Variants in MPP2 observed in about 807,000 individuals in gnomAD.
The protein encoded by MPP2 is MAGUK p55 scaffold protein 2, also known as MAGUK p55 subfamily member 2.
MPP2 carries 42 observed loss-of-function variants against 58.5 expected under a neutral mutation model. The ratio of observed to expected loss-of-function variants is 0.72; its 90% CI spans 0.56 to 0.93. MPP2 has a LOEUF of 0.93. MPP2 is among the 40% of genes least tolerant of loss of function. MPP2 has a pLI of 0.00. For missense variants in MPP2, 632 were observed against 760.4 expected, an observed-to-expected ratio of 0.83 and a Z score of 1.99; for synonymous variants, 300 against 307.8, an observed-to-expected ratio of 0.97 and a Z score of 0.26.
At chr17:43,878,030 A>G in intron 12 of MPP2, 47 bp from the exon 13 acceptor site, 4 of 1,554,256 alleles carry the variant, frequency 2.6e-6, no homozygotes, top group Non-Finnish European at 2.6e-6. Context: ...CCCACAACTC[A>G]CCCCCACTGT....
In MPP2 at chr17:43,882,514, G is replaced by A; in HGVS notation, c.454-3C>T. On this transcript the variant is annotated splice_polypyrimidine_tract_variant and splice_region_variant and intron_variant, in intron 5 of 12. Coordinates refer to ENST00000269095, the MANE Select transcript of MPP2 (RefSeq NM_005374.5). ...CCCTCCACGCGGAACGTTACACCCT[G>A]GAGGTCAGAGGGAGTGTAAGATGAG... is the stretch of plus-strand genomic sequence containing the variant. 1 of 1,602,086 alleles carries A rather than the reference G, an allele frequency of 6.2e-7. No homozygotes were observed. Among genetic ancestry groups the A allele is most frequent in the Non-Finnish European group, 8.5e-7 (1 of 1,179,620 alleles).
intron 3 of MPP2, 166 bp downstream of exon 3, chr17:43,898,096 G>T: frequency 1.6e-6 from 1 of 627,632 alleles, no homozygotes. Context: ...TCTACCTGCA[G>T]CCACTCAGGT....
intron 3 of MPP2, among the ~76,000 whole-genome samples, chr17:43,894,272 C>T (rs2047727585): frequency 6.6e-6 from 1 of 151,666 alleles, no homozygotes; most frequent in Non-Finnish European, 1.5e-5. Context: ...CAAAAATTAG[C>T]TGGGCATGGT....
At chr17:43,901,290 C>A in intron 2 of MPP2, 3 of 985,520 alleles carry the variant, frequency 3.0e-6, no homozygotes, top group Non-Finnish European at 3.6e-6. Context: ...TTACCCCTCG[C>A]CTCACAGCAG....
Position 43,881,510 on chromosome 17 carries a change from T to C in MPP2, c.761A>G (p.Asn254Ser), listed in dbSNP as rs2047118534. The C allele has an allele frequency of 9.3e-6, 15 of 1,614,152 alleles. No homozygotes were observed. Among genetic ancestry groups the C allele is most frequent in the Non-Finnish European group, 1.2e-5 (14 of 1,180,006 alleles). The change falls in exon 7 of 13, where the codon AAC (asparagine) becomes AGC (serine). Residue 254 changes from asparagine to serine, a missense_variant. Transcript: ENST00000269095. The part of the protein sequence containing the change: ...IPCKEAGLRF[N>S]AGDLLQIVNQ... ...TACGATCTGGAGCAAGTCCCCGGCGTTGAAGCGCAGGCCTGCTTCCTTGCA... is the reference window on the plus strand; with the variant it reads ...TACGATCTGGAGCAAGTCCCCGGCGCTGAAGCGCAGGCCTGCTTCCTTGCA...
rs1201894551 is a variant in MPP2, at chr17:43,879,327, C to T, written c.1430G>A (p.Arg477Gln). The T allele has an allele frequency of 5.6e-6, 9 of 1,614,028 alleles. No homozygotes were observed. Among genetic ancestry groups the T allele is most frequent in the East Asian group, 2.2e-5 (1 of 44,896 alleles). Residue 477 changes from arginine to glutamine, a missense_variant, in exon 12 of 13, where the codon CGG becomes CAG. Coordinates refer to ENST00000269095, the MANE Select transcript of MPP2 (RefSeq NM_005374.5). This position sits in a 1 kb window ranked among gnomAD's most constrained non-coding sequence, Gnocchi z 4.1. ...CTCCAGCGCAGCCCTGTTCATGGCC[C>T]GCAGGGTCTCGAAGTCTGGGGCCTC... ...FIEAPDFETL[R>Q]AMNRAALESG... is the part of the protein sequence containing the mutation.
intron 2 of MPP2, among the ~76,000 whole-genome samples, chr17:43,903,033 C>T (rs568909317): frequency 6.6e-6 from 1 of 152,312 alleles, no homozygotes; most frequent in Admixed American, 6.5e-5. Context: ...TGCCTGTAAT[C>T]CCAGCACTTT....
At chr17:43,889,509 G>C (rs573047044) in intron 3 of MPP2, among the ~76,000 whole-genome samples, 96 of 151,480 alleles carry the variant, frequency 6.3e-4, no homozygotes, top group Non-Finnish European at 1.2e-3. Flanking sequence ...ATTACAGCAT[G>C]CACCAACACA....
intron 1 of MPP2, chr17:43,905,376 G>C: frequency 6.6e-6 from 1 of 152,114 alleles, no homozygotes; most frequent in South Asian, 2.1e-4. Flanking sequence ...ACCTCTCCAC[G>C]GCCCCTCTGG....
In MPP2 at chr17:43,882,408, TTGA is replaced by T. The variant is rs1239966407; in HGVS notation, c.554_556del (p.Ile185del). ...GCCCACTGGCTGCCCGTTCACCTCC[TTGA>T]TGATGTCACCCACATGCAGCAGGCC... On this transcript the variant is annotated inframe_deletion, in exon 6 of 13. Transcript: ENST00000269095. 1.9e-6 allele frequency: 3 copies of T among 1,611,434 alleles called. No homozygotes were observed. Among genetic ancestry groups the T allele is most frequent in the Non-Finnish European group, 2.5e-6 (3 of 1,179,982 alleles).
At position 43,877,898 on chromosome 17, in the gene MPP2, C is replaced by T. The variant is rs766045675; in HGVS notation, c.1568G>A (p.Ser523Asn). ...CTCGCGGAAGGTCCTCTCCAGGTTGCTATTGACCAGGCAGAGGTCAAAGTA... is the reference window on the plus strand; with the variant it reads ...CTCGCGGAAGGTCCTCTCCAGGTTGTTATTGACCAGGCAGAGGTCAAAGTA... ...GHYFDLCLVN[S>N]NLERTFRELQ... is the part of the protein sequence containing the mutation. Residue 523 changes from serine (S) to asparagine (N), a missense_variant, in exon 13 of 13, where the codon AGC (serine) becomes AAC (asparagine). Physicochemically the swap from Ser to Asn is conservative, Grantham distance 46. Transcript: ENST00000269095. 1 of 1,614,080 alleles carries T rather than the reference C, an allele frequency of 6.2e-7. No homozygotes were observed. The highest frequency in any genetic ancestry group is 8.5e-7 in the Non-Finnish European group (1 of 1,179,954).
intron 5 of MPP2, 130 bp downstream of exon 5, chr17:43,882,773 A>G (rs124720): frequency 0.88 from 1,206,671 of 1,375,468 alleles, 530,264 homozygotes; most frequent in East Asian, 1. Context: ...TTGCTGCATC[A>G]ATCCTTCCCT....
rs1449709848 is a variant in MPP2 at position 43,876,460 on chromosome 17, G to C, written c.*1347C>G. 1 of 152,228 alleles carries C rather than the reference G, an allele frequency of 6.6e-6. No individual in the cohort carries two copies. Among genetic ancestry groups the C allele is most frequent in the Non-Finnish European group, 1.5e-5 (1 of 68,070 alleles). 9.4% of individuals were successfully genotyped at this position (152,228 alleles called of 1,614,324 possible). Reference sequence around the variant, plus strand: ...CTGCCCTCCCCAAGTTATGGCAGGGGGGCATTTAGGGTAGGGGGACAATAA... The same window carrying C: ...CTGCCCTCCCCAAGTTATGGCAGGGCGGCATTTAGGGTAGGGGGACAATAA... On this transcript the variant is annotated 3_prime_UTR_variant, in exon 13 of 13. Coordinates refer to ENST00000269095, the MANE Select transcript of MPP2 (RefSeq NM_005374.5).
intron 2 of MPP2, chr17:43,901,336 T>A (rs1209067881): frequency 2.0e-6 from 2 of 985,392 alleles, no homozygotes; most frequent in Non-Finnish European, 2.4e-6. Context: ...GAGTTCTTCC[T>A]CTTAATGAAG....
intron 2 of MPP2, among the ~76,000 whole-genome samples, chr17:43,902,249 C>T (rs985933168): frequency 5.9e-5 from 9 of 152,108 alleles, no homozygotes; most frequent in African/African-American, 1.9e-4. Flanking sequence ...CAGAACCCAC[C>T]GCCACACCCC....
chr17:43,898,744 C>T (rs2047961566), intron 2 of MPP2, among the ~76,000 whole-genome samples: 2 of 152,358 alleles, frequency 1.3e-5, no homozygotes, highest in African/African-American at 4.8e-5. Context: ...TTGGGTGGAT[C>T]ACTTGAGGCC....
rs376381940 is a variant in MPP2, at chr17:43,879,748, T to C, written c.1353+34A>G. 24 of 1,609,378 alleles carry C rather than the reference T, an allele frequency of 1.5e-5. No homozygotes were observed. Among genetic ancestry groups the C allele is most frequent in the African/African-American group, 5.3e-5 (4 of 74,772 alleles). On this transcript the variant is annotated intron_variant, in intron 11 of 12. Coordinates refer to ENST00000269095, the MANE Select transcript of MPP2 (RefSeq NM_005374.5). This position sits in a 1 kb window ranked among gnomAD's most constrained non-coding sequence, Gnocchi z 4.1. ...GAGCAATGAGGCAGCAGAGAGGACA[T>C]TGGGCAGGCTGGGAAGGAGCAGAGT...
intron 3 of MPP2, among the ~76,000 whole-genome samples, chr17:43,885,260 G>A (rs932802009): frequency 6.0e-5 from 9 of 149,020 alleles, no homozygotes; most frequent in African/African-American, 2.0e-4. Flanking sequence ...CACTATCTTC[G>A]TTGACCCAGT....
chr17:43,881,509 G>A lies in MPP2; in HGVS notation c.762C>T (p.Asn254=), dbSNP rs2047118380. 3.7e-6 allele frequency: 6 copies of A among 1,614,006 alleles called. No homozygotes were observed. Among genetic ancestry groups the A allele is most frequent in the South Asian group, 3.3e-5 (3 of 91,096 alleles). The change falls in exon 7 of 13, where the codon AAC becomes AAT. Residue 254 remains asparagine (N), a synonymous_variant. Coordinates refer to ENST00000269095, the MANE Select transcript of MPP2 (RefSeq NM_005374.5). ...IPCKEAGLRF[N]AGDLLQIVNQ... Reference sequence around the variant, plus strand: ...TTACGATCTGGAGCAAGTCCCCGGCGTTGAAGCGCAGGCCTGCTTCCTTGC... The same window carrying A: ...TTACGATCTGGAGCAAGTCCCCGGCATTGAAGCGCAGGCCTGCTTCCTTGC...
Sources: allele counts gnomAD v4.1 joint callset (sites outside exome capture counted in the v4.1 genomes callset), GRCh38; gene constraint gnomAD v4.1.1; non-coding constraint Gnocchi (gnomAD v3.1); transcripts MANE v1.5; gene names NCBI Gene and HGNC (gene_info 2026-07-23, HGNC 2026-07-21).